EZH2: variants seen among roughly 807,000 people sequenced by gnomAD.
EZH2 encodes the protein histone-lysine N-methyltransferase EZH2.
Under a neutral mutation model 98.4 loss-of-function variants are expected in EZH2, and 18 were observed. The observed-to-expected ratio is 0.18, with a 90% CI of 0.13 to 0.27. EZH2 has a LOEUF of 0.27. Among genes scored for constraint, EZH2 ranks in the 10% least tolerant of loss-of-function variants. The probability of loss-of-function intolerance (pLI) is 1.00; values close to 1 mark genes in which losing one functional copy is unlikely to be tolerated. For synonymous variants in EZH2, 338 were observed against 312.3 expected (o/e 1.08, Z -0.87); for missense variants, 470 against 935.1 (o/e 0.50, Z 6.49).
intron 1 of EZH2, among the ~76,000 whole-genome samples, chr7:148,852,969 TATAC>T (rs373911959): frequency 3.1e-4 from 47 of 152,296 alleles, no homozygotes; most frequent in African/African-American, 1.1e-3. Context: ...TTACATAACG[TATAC>T]ACATTCTCCC....
chr7:148,844,278 T>C (rs1455254624), intron 3 of EZH2, among the ~76,000 whole-genome samples: 6 of 152,138 alleles, frequency 3.9e-5, no homozygotes. Flanking sequence ...ATCTGAAAAG[T>C]CAGGAGGTTG....
intron 1 of EZH2, among the ~76,000 whole-genome samples, chr7:148,883,683 A>C (rs1210085019): frequency 1.3e-5 from 2 of 150,364 alleles, no homozygotes; most frequent in African/African-American, 4.9e-5. Context: ...AGCCCTCCGG[A>C]GACACAGTCC....
rs1466523321 is a variant in EZH2 at position 148,847,360 on chromosome 7, C to T, written c.-7-55G>A. Reference sequence around the variant, plus strand: ...CTAATCTAACCAGCCTGAATATGATCACCTGTGTTTTAATCCGCAGCAAAC... The same window carrying T: ...CTAATCTAACCAGCCTGAATATGATTACCTGTGTTTTAATCCGCAGCAAAC... On this transcript the variant is annotated intron_variant, in intron 1 of 19. Transcript: ENST00000320356. 1.9e-6 allele frequency: 3 copies of T among 1,598,786 alleles called. No individual in the cohort carries two copies. In the African/African-American group the frequency reaches 4.0e-5, roughly 22 times the overall value.
At position 148,814,052 on chromosome 7, in the gene EZH2, G is replaced by T. The variant is rs979372067; in HGVS notation, c.1758C>A (p.Asp586Glu). ...CTCCACAAGTAAGACAGAGGTCAGG[G>T]TCACACTCTCGGACAGCCAGGTAGC... is the stretch of plus-strand genomic sequence containing the variant. ...CPCYLAVRECDPDLCLTCGAA... is the reference protein window; with the variant it reads ...CPCYLAVRECEPDLCLTCGAA... Residue 586 changes from aspartate to glutamate, a missense_variant, in exon 15 of 20, where the codon GAC becomes GAA. Coordinates refer to ENST00000320356, the MANE Select transcript of EZH2 (RefSeq NM_004456.5). 6.2e-7 allele frequency: 1 copy of T among 1,614,174 alleles called. No individual in the cohort carries two copies. The highest frequency in any genetic ancestry group is 8.5e-7 in the Non-Finnish European group (1 of 1,180,036).
intron 8 of EZH2, among the ~76,000 whole-genome samples, chr7:148,822,596 T>C (rs940705611): frequency 3.0e-4 from 45 of 151,568 alleles, no homozygotes; most frequent in African/African-American, 9.7e-4. Context: ...AAAAACCTAA[T>C]TTCCTGATTA....
At chr7:148,814,772 G>T in intron 14 of EZH2, 142 bp downstream of exon 14, 1 of 1,028,734 alleles carries the variant, frequency 9.7e-7, no homozygotes, top group Non-Finnish European at 1.4e-6. Flanking sequence ...CAGGTATGGG[G>T]CTCAATAAAT....
intron 1 of EZH2, among the ~76,000 whole-genome samples, chr7:148,882,288 A>G (rs1342681729): frequency 6.6e-6 from 1 of 152,190 alleles, no homozygotes; most frequent in Admixed American, 6.5e-5. Context: ...ATCATATAGG[A>G]CAGTGCAACC....
At chr7:148,832,368 A>G (rs1355599073) in intron 4 of EZH2, among the ~76,000 whole-genome samples, 1 of 152,192 alleles carries the variant, frequency 6.6e-6, no homozygotes, top group Admixed American at 6.5e-5. Flanking sequence ...CATGAGCCAC[A>G]ATGCCCAGCC....
rs374888907 is a variant in EZH2, at chr7:148,817,867, C to T, written c.1240+10G>A. The stretch of plus-strand genomic sequence containing the variant: ...AGAACAGTAAAACCCAGTTATTAGA[C>T]GTGTCTTACCAGAGGAGCTCGAAGT... On this transcript the variant is annotated intron_variant, in intron 10 of 19. Transcript: ENST00000320356. 7.4e-5 allele frequency: 120 copies of T among 1,614,012 alleles called. No individual in the cohort carries two copies. The highest frequency in any genetic ancestry group is 6.4e-4 in the African/African-American group (48 of 74,930).
intron 8 of EZH2, among the ~76,000 whole-genome samples, chr7:148,825,347 T>A (rs899345742): frequency 8.5e-5 from 13 of 152,194 alleles, no homozygotes; most frequent in African/African-American, 3.1e-4. Context: ...TTAAACTAGA[T>A]GAGGAGTTAG....
In EZH2 at chr7:148,826,197, C is replaced by T. The variant is rs1344792851; in HGVS notation, c.907+257G>A. On this transcript the variant is annotated intron_variant, in intron 8 of 19. Transcript: ENST00000320356. ...TATTGTAAAACAACTGCTTAGTTAG[C>T]ACTTACGGGGGAAAAAAAAAAAAAT... Among the ~76,000 whole-genome samples, 3 of 150,496 alleles carry T rather than the reference C, an allele frequency of 2.0e-5. No individual in the cohort carries two copies. The South Asian group carries it at 6.3e-4, about 32-fold the overall frequency.
intron 1 of EZH2, among the ~76,000 whole-genome samples, chr7:148,859,534 ACAAAG>A (rs1817363558): frequency 6.6e-6 from 1 of 151,418 alleles, no homozygotes; most frequent in African/African-American, 2.4e-5. Flanking sequence ...AACAACAACA[ACAAAG>A]TAAAATGTTT....
At chr7:148,825,294 A>G (rs1807372933) in intron 8 of EZH2, among the ~76,000 whole-genome samples, 1 of 152,242 alleles carries the variant, frequency 6.6e-6, no homozygotes, top group African/African-American at 2.4e-5. Flanking sequence ...CTGAAGCAAC[A>G]AATGGATGAC....
intron 17 of EZH2, among the ~76,000 whole-genome samples, chr7:148,809,630 A>C (rs1802469716): frequency 6.6e-6 from 1 of 151,310 alleles, no homozygotes; most frequent in South Asian, 2.1e-4. Context: ...TTAATTATCA[A>C]CTATAAACAT....
chr7:148,850,270 A>G (rs1815366436), intron 1 of EZH2, among the ~76,000 whole-genome samples: 1 of 152,094 alleles, frequency 6.6e-6, no homozygotes, highest in African/African-American at 2.4e-5. Context: ...CACCCGCCTC[A>G]GCCTCCCAAA....
chr7:148,815,575 A>C (rs200273211), intron 12 of EZH2, 29 bp from the exon 13 acceptor site: 48 of 1,609,020 alleles, frequency 3.0e-5, no homozygotes, highest in African/African-American at 2.7e-4. Context: ...AATTAAACCA[A>C]ATTTCTGCGG....
At chr7:148,810,896 CA>C (rs924758768) in intron 16 of EZH2, among the ~76,000 whole-genome samples, 1,027 of 43,654 alleles carry the variant, frequency 0.024, 5 homozygotes, top group African/African-American at 0.059. Flanking sequence ...AACTCTGTCT[CA>C]AAAAAAAAAA....
At position 148,833,466 on chromosome 7, in the gene EZH2, A is replaced by AAAAAAT. The variant is rs1265823771; in HGVS notation, c.247-717_247-716insATTTTT. ...AGCGAAACTCCGTCTCAAAAAAAAA[A>AAAAAAT]AAAATAAAATAAAATAAAATAAAAA... is the stretch of plus-strand genomic sequence containing the variant. On this transcript the variant is annotated intron_variant, in intron 3 of 19. Coordinates refer to ENST00000320356, the MANE Select transcript of EZH2 (RefSeq NM_004456.5). Among the ~76,000 whole-genome samples the AAAAAAT allele has an allele frequency of 5.0e-4, 16 of 31,830 alleles. No individual in the cohort carries two copies. In the Admixed American group the frequency reaches 6.8e-3, roughly 14 times the overall value. The allele number at this position is 31,830 out of a possible 152,430, so 20.9% of individuals were successfully genotyped here.
intron 19 of EZH2, 100 bp downstream of exon 19, chr7:148,808,971 C>G (rs193259086): frequency 4.6e-6 from 4 of 863,838 alleles, no homozygotes; most frequent in African/African-American, 3.4e-5. Flanking sequence ...CAAAGTGACC[C>G]ATCAAAAGAA....
Sources: gnomAD v4.1 joint callset for allele counts (sites outside exome capture counted in the v4.1 genomes callset) on GRCh38, gnomAD v4.1.1 for gene constraint, MANE v1.5 for transcripts, NCBI Gene and HGNC (gene_info 2026-07-23, HGNC 2026-07-21) for gene names.